The following CNTNAP4 variants were observed in gnomAD, a reference collection of about 807,000 sequenced individuals.
CNTNAP4 encodes the protein contactin-associated protein-like 4.
Under a neutral mutation model 148.4 loss-of-function variants are expected in CNTNAP4, and 98 were observed. The observed-to-expected ratio is 0.66, with a 90% CI of 0.56 to 0.78. CNTNAP4 has a LOEUF of 0.78. Ranked by LOEUF, CNTNAP4 falls within the 30% of genes least tolerant of loss-of-function variation. CNTNAP4 has a pLI of 0.00. For synonymous variants in CNTNAP4, 730 were observed against 565.1 expected (o/e 1.29, Z -4.14); for missense variants, 1,935 against 1,565.6 (o/e 1.24, Z -3.98).
chr16:76,364,259 A>C (rs924166572), intron 3 of CNTNAP4, among the ~76,000 whole-genome samples: 1 of 132,530 alleles, frequency 7.5e-6, no homozygotes, highest in Non-Finnish European at 1.6e-5. Flanking sequence ...AAAAAAAAAA[A>C]CAGAAAAGAA....
At chr16:76,379,395 C>T (rs931904326) in intron 3 of CNTNAP4, among the ~76,000 whole-genome samples, 67 of 152,274 alleles carry the variant, frequency 4.4e-4, no homozygotes, top group African/African-American at 1.4e-3. Context: ...TTTTTCATTT[C>T]ATTACAATTG....
At chr16:76,494,764 CT>C (rs2082341656) in intron 13 of CNTNAP4, 145 bp from the exon 14 acceptor site, 2 of 787,076 alleles carry the variant, frequency 2.5e-6, no homozygotes, top group African/African-American at 3.5e-5. Context: ...AGCAATCATA[CT>C]GTTTTGCATA....
At chr16:76,484,265 G>A (rs1434616706) in intron 12 of CNTNAP4, among the ~76,000 whole-genome samples, 3 of 51,408 alleles carry the variant, frequency 5.8e-5, no homozygotes, top group Non-Finnish European at 1.0e-4. Context: ...ATCCCAAAGA[G>A]GAGAGAAATG....
At chr16:76,302,229 A>T (rs2143943519) in intron 1 of CNTNAP4, among the ~76,000 whole-genome samples, 1 of 152,316 alleles carries the variant, frequency 6.6e-6, no homozygotes. Flanking sequence ...GACAAAAAGC[A>T]AGCAGGGCAA....
At chr16:76,455,441 C>A (rs2080688980) in intron 8 of CNTNAP4, among the ~76,000 whole-genome samples, 1 of 152,184 alleles carries the variant, frequency 6.6e-6, no homozygotes, top group Non-Finnish European at 1.5e-5. Flanking sequence ...GACAATGGAG[C>A]AGCCCCCTTG....
chr16:76,445,218 G>C (rs1568195598), intron 4 of CNTNAP4, among the ~76,000 whole-genome samples: 2 of 152,104 alleles, frequency 1.3e-5, no homozygotes, highest in African/African-American at 4.8e-5. Context: ...CTAGACCTGA[G>C]AACTGAGAGA....
rs865944516 is a variant in CNTNAP4, at chr16:76,427,473, G to A, written c.412G>A (p.Ala138Thr). The change falls in exon 4 of 24, where the codon GCA (alanine) becomes ACA (threonine). Residue 138 changes from alanine to threonine, a missense_variant. Coordinates refer to ENST00000611870, the MANE Select transcript of CNTNAP4 (RefSeq NM_033401.5). ...SIWGFSGNAN[A>T]DSVVYYRLQP... ...TTAGGGTTTTTCAGGAAATGCAAATGCAGACAGTGTTGTGTACTATAGACT... is the reference window on the plus strand; with the variant it reads ...TTAGGGTTTTTCAGGAAATGCAAATACAGACAGTGTTGTGTACTATAGACT... The A allele has an allele frequency of 6.2e-7, 1 of 1,606,716 alleles. No homozygotes were observed. Among genetic ancestry groups the A allele is most frequent in the Non-Finnish European group, 8.5e-7 (1 of 1,177,078 alleles).
intron 2 of CNTNAP4, among the ~76,000 whole-genome samples, chr16:76,334,933 C>G (rs1415520897): frequency 2.6e-5 from 4 of 151,862 alleles, no homozygotes; most frequent in Admixed American, 2.6e-4. Context: ...CAAGGCTAAC[C>G]AGATGGAAAG....
chr16:76,535,210 T>C (rs374536792), intron 17 of CNTNAP4, among the ~76,000 whole-genome samples: 27 of 152,296 alleles, frequency 1.8e-4, no homozygotes, highest in African/African-American at 6.5e-4. Flanking sequence ...TATATACTTA[T>C]TCAAATTCCC....
chr16:76,527,322 A>G (rs1418161719), intron 17 of CNTNAP4, among the ~76,000 whole-genome samples: 3 of 152,246 alleles, frequency 2.0e-5, no homozygotes, highest in South Asian at 2.1e-4. Context: ...GTCTTGCTCT[A>G]TTCTCAGAGC....
intron 4 of CNTNAP4, among the ~76,000 whole-genome samples, chr16:76,433,360 G>T (rs1366258102): frequency 2.0e-5 from 3 of 152,096 alleles, no homozygotes. Flanking sequence ...GTGTTTAATT[G>T]CTTCAATGCA....
chr16:76,296,039 C>T (rs1959256281), intron 1 of CNTNAP4, among the ~76,000 whole-genome samples: 1 of 152,148 alleles, frequency 6.6e-6, no homozygotes, highest in African/African-American at 2.4e-5. Context: ...TCTTCCTAAA[C>T]TTCTCTACAA....
intron 1 of CNTNAP4, among the ~76,000 whole-genome samples, chr16:76,294,586 C>T (rs965714716): frequency 2.6e-5 from 4 of 152,142 alleles, no homozygotes; most frequent in African/African-American, 9.7e-5. Flanking sequence ...TAAAAAATTT[C>T]TTAGTAAAAT....
At chr16:76,490,390 A>G (rs1422211343) in intron 13 of CNTNAP4, among the ~76,000 whole-genome samples, 1 of 152,068 alleles carries the variant, frequency 6.6e-6, no homozygotes, top group Non-Finnish European at 1.5e-5. Context: ...GAATCAGAAA[A>G]CCATCTTGAC....
chr16:76,493,538 T>C (rs2082298474), intron 13 of CNTNAP4, among the ~76,000 whole-genome samples: 1 of 152,196 alleles, frequency 6.6e-6, no homozygotes, highest in East Asian at 1.9e-4. Context: ...TAAAAAACAT[T>C]CAGTGATTTC....
intron 3 of CNTNAP4, among the ~76,000 whole-genome samples, chr16:76,391,063 A>G (rs1319315976): frequency 6.6e-6 from 1 of 152,114 alleles, no homozygotes; most frequent in Non-Finnish European, 1.5e-5. Flanking sequence ...ATTATTGACT[A>G]TAGTCACCCT....
chr16:76,461,684 A>G (rs959740489), intron 8 of CNTNAP4, among the ~76,000 whole-genome samples: 5 of 152,208 alleles, frequency 3.3e-5, no homozygotes, highest in Admixed American at 6.5e-5. Flanking sequence ...AGGAAATTAC[A>G]TAGATGGAAG....
At chr16:76,340,120 T>A (rs1485266133) in intron 2 of CNTNAP4, among the ~76,000 whole-genome samples, 1 of 152,116 alleles carries the variant, frequency 6.6e-6, no homozygotes, top group Non-Finnish European at 1.5e-5. Flanking sequence ...GAGGATGCCT[T>A]TTGCTACCAG....
chr16:76,371,476 G>A (rs938497160), intron 3 of CNTNAP4, among the ~76,000 whole-genome samples: 4 of 151,962 alleles, frequency 2.6e-5, no homozygotes, highest in Non-Finnish European at 4.4e-5. Flanking sequence ...GTAGAAACAG[G>A]GTTTCACCAT....
Sources: gnomAD v4.1 joint callset for allele counts (sites outside exome capture counted in the v4.1 genomes callset) on GRCh38, gnomAD v4.1.1 for gene constraint, MANE v1.5 for transcripts, NCBI Gene and HGNC (gene_info 2026-07-23, HGNC 2026-07-21) for gene names.